DESI2: variants seen among roughly 807,000 people sequenced by gnomAD.
The protein encoded by DESI2 is deubiquitinase DESI2.
Under a neutral mutation model 24.1 loss-of-function variants are expected in DESI2, and 10 were observed. That is an observed-to-expected ratio of 0.41 (90% CI 0.26 to 0.70). DESI2 has a LOEUF of 0.70. Ranked by LOEUF, DESI2 falls within the 30% of genes least tolerant of loss-of-function variation. The probability of loss-of-function intolerance (pLI) is 0.29; values close to 1 mark genes in which losing one functional copy is unlikely to be tolerated. For synonymous variants in DESI2, 71 were observed against 87.7 expected (o/e 0.81, Z 1.06); for missense variants, 122 against 234.9 (o/e 0.52, Z 3.14).
At chr1:244,679,949 AT>A (rs1180688886) in intron 1 of DESI2, among the ~76,000 whole-genome samples, 1 of 147,158 alleles carries the variant, frequency 6.8e-6, no homozygotes, top group African/African-American at 2.5e-5. Flanking sequence ...TTTTTAATTG[AT>A]GTAGTATTAT....
At chr1:244,677,518 C>T (rs1676452772) in intron 1 of DESI2, among the ~76,000 whole-genome samples, 1 of 152,292 alleles carries the variant, frequency 6.6e-6, no homozygotes, top group African/African-American at 2.4e-5. Context: ...CAAAGAACTA[C>T]TGAGTTCATC....
At chr1:244,663,296 T>C (rs7542850) in intron 1 of DESI2, among the ~76,000 whole-genome samples, 122,555 of 151,782 alleles carry the variant, frequency 0.81, 49,847 homozygotes, top group African/African-American at 0.89. Flanking sequence ...TCTGCCTCAG[T>C]CTTCTGAGTA....
chr1:244,695,002 G>A (rs533009704), intron 4 of DESI2, among the ~76,000 whole-genome samples: 1 of 152,298 alleles, frequency 6.6e-6, no homozygotes, highest in East Asian at 1.9e-4. Flanking sequence ...CCAGAATAAG[G>A]CAGGCTCCAT....
chr1:244,682,808 G>A (rs906240239), intron 1 of DESI2, among the ~76,000 whole-genome samples: 2 of 151,040 alleles, frequency 1.3e-5, no homozygotes, highest in Non-Finnish European at 2.9e-5. Flanking sequence ...GCTGTAAGAT[G>A]TAGATACAGA....
intron 1 of DESI2, among the ~76,000 whole-genome samples, chr1:244,685,160 C>A (rs560011292): frequency 6.6e-6 from 1 of 152,142 alleles, no homozygotes; most frequent in South Asian, 2.1e-4. Context: ...AAAAGTTGTA[C>A]ATTTTTATGT....
At chr1:244,704,444 CG>C (rs1424200671) in intron 4 of DESI2, among the ~76,000 whole-genome samples, 1 of 151,834 alleles carries the variant, frequency 6.6e-6, no homozygotes, top group Admixed American at 6.6e-5. Flanking sequence ...GAAATAGGAG[CG>C]GGGGGAAGGG....
At chr1:244,658,163 T>A (rs1675711881) in intron 1 of DESI2, among the ~76,000 whole-genome samples, 1 of 152,212 alleles carries the variant, frequency 6.6e-6, no homozygotes, top group Non-Finnish European at 1.5e-5. Context: ...ATTACTTCAT[T>A]TTAATCCTTC....
chr1:244,671,131 T>A (rs1433326165), intron 1 of DESI2, among the ~76,000 whole-genome samples: 1 of 152,194 alleles, frequency 6.6e-6, no homozygotes, highest in African/African-American at 2.4e-5. Flanking sequence ...GAGATACTAT[T>A]TTGTGGTAGC....
At chr1:244,695,124 T>C (rs1677166425) in intron 4 of DESI2, among the ~76,000 whole-genome samples, 1 of 152,178 alleles carries the variant, frequency 6.6e-6, no homozygotes, top group Non-Finnish European at 1.5e-5. Flanking sequence ...CCAGCTCCCT[T>C]TATGGTTTCA....
At chr1:244,661,897 T>C (rs1477853069) in intron 1 of DESI2, among the ~76,000 whole-genome samples, 1 of 152,260 alleles carries the variant, frequency 6.6e-6, no homozygotes, top group Non-Finnish European at 1.5e-5. Context: ...TATAGCAGCA[T>C]GATTTATAAT....
chr1:244,692,710 C>T (rs945629850), intron 4 of DESI2, among the ~76,000 whole-genome samples: 2 of 152,126 alleles, frequency 1.3e-5, no homozygotes, highest in African/African-American at 4.8e-5. Flanking sequence ...AGAAATGCTT[C>T]GCTCCTTGGC....
chr1:244,653,352 C>T lies in DESI2; in HGVS notation c.39C>T (p.Asp13=). 6.5e-7 allele frequency: 1 copy of T among 1,544,548 alleles called. No homozygotes were observed. Among genetic ancestry groups the T allele is most frequent in the Non-Finnish European group, 8.7e-7 (1 of 1,152,568 alleles). The change falls in exon 1 of 5, where the codon GAC becomes GAT. Residue 13 remains aspartate, a synonymous_variant. Transcript: ENST00000302550. ...ANQLVVLNVY[D]MYWMNEYTSS... The stretch of plus-strand genomic sequence containing the variant: ...AGTTAGTGGTGCTCAACGTGTACGA[C>T]ATGGTGAGTGCGGCCCCTGGCGGCC...
chr1:244,693,004 G>A (rs1176603229), intron 4 of DESI2, among the ~76,000 whole-genome samples: 1 of 152,186 alleles, frequency 6.6e-6, no homozygotes, highest in Non-Finnish European at 1.5e-5. Context: ...CAGGCAGGGG[G>A]AAGGTAGTTC....
intron 1 of DESI2, among the ~76,000 whole-genome samples, chr1:244,677,424 G>A (rs185406578): frequency 3.3e-4 from 50 of 152,204 alleles, no homozygotes; most frequent in Middle Eastern, 3.4e-3. Context: ...TAAATAGATC[G>A]CTACTTTAAC....
rs1223691446 is a variant in DESI2 at position 244,701,208 on chromosome 1, CCCCTCCA to C, written c.352-4344_352-4338del. Among the ~76,000 whole-genome samples, 13 of 33,986 alleles carry C rather than the reference CCCCTCCA, an allele frequency of 3.8e-4. 1 individual carries two copies. Among genetic ancestry groups the C allele is most frequent in the Non-Finnish European group, 5.2e-4 (11 of 21,354 alleles). The allele number at this position is 33,986 out of a possible 152,430, so 22.3% of individuals were successfully genotyped here. A position where few individuals can be genotyped will look rare whatever the true frequency, so the allele number is the denominator to read the frequency against. On this transcript the variant is annotated intron_variant, in intron 4 of 4. Coordinates refer to ENST00000302550, the MANE Select transcript of DESI2 (RefSeq NM_016076.5). ...GCCAAGGGCATGACTGGACCACCTT[CCCCTCCA>C]CCCCCCCCCCCCCCCCCCCGCCCTT...
chr1:244,703,180 T>G (rs929941124), intron 4 of DESI2, among the ~76,000 whole-genome samples: 21 of 151,914 alleles, frequency 1.4e-4, no homozygotes, highest in African/African-American at 5.1e-4. Flanking sequence ...TTTTGTATTT[T>G]TAGTAGAGAT....
Position 244,706,654 on chromosome 1 carries a change from AGTG to A in DESI2, c.*868_*870del, listed in dbSNP as rs1677720109. 6.6e-6 allele frequency: 1 copy of A among 152,644 alleles called. No individual in the cohort carries two copies. Among genetic ancestry groups the A allele is most frequent in the South Asian group, 2.1e-4 (1 of 4,836 alleles). The allele number at this position is 152,644 out of a possible 1,614,324, so 9.5% of individuals were successfully genotyped here. A position where few individuals can be genotyped will look rare whatever the true frequency, so the allele number is the denominator to read the frequency against. ...ATTTTGATGGTGTGGGAATATCCTAAGTGGTAGCCTTCCAAGTAGCAGTGAGTT... is the reference window on the plus strand; with the variant it reads ...ATTTTGATGGTGTGGGAATATCCTAAGTAGCCTTCCAAGTAGCAGTGAGTT... On this transcript the variant is annotated 3_prime_UTR_variant, in exon 5 of 5. Transcript: ENST00000302550.
chr1:244,657,016 GC>G (rs1309691940), intron 1 of DESI2, among the ~76,000 whole-genome samples: 2 of 151,998 alleles, frequency 1.3e-5, no homozygotes, highest in Non-Finnish European at 2.9e-5. Flanking sequence ...CAAGTGATCC[GC>G]CCGCCTCAGC....
rs1677692038 is a variant in DESI2, at chr1:244,706,096, G to T, written c.*307G>T. The T allele has an allele frequency of 3.7e-6, 1 of 267,094 alleles. No individual in the cohort carries two copies. Among genetic ancestry groups the T allele is most frequent in the African/African-American group, 2.2e-5 (1 of 44,754 alleles). The allele number at this position is 267,094 out of a possible 1,614,324, so 16.5% of individuals were successfully genotyped here. On this transcript the variant is annotated 3_prime_UTR_variant, in exon 5 of 5. Transcript: ENST00000302550. The stretch of plus-strand genomic sequence containing the variant: ...TCTTGTATCGCTGTTTACAAATCTT[G>T]CATGGACTCCTGCCACAGTGAAAGA...
Sources: allele counts gnomAD v4.1 joint callset (sites outside exome capture counted in the v4.1 genomes callset), GRCh38; gene constraint gnomAD v4.1.1; transcripts MANE v1.5; gene names NCBI Gene and HGNC (gene_info 2026-07-23, HGNC 2026-07-21).